Variants in DLGAP2 observed in about 807,000 individuals in gnomAD.
DLGAP2 encodes disks large-associated protein 2.
In DLGAP2, 26 loss-of-function variants were observed where a neutral mutation model predicts 100.3. The ratio of observed to expected loss-of-function variants is 0.26; its 90% CI spans 0.19 to 0.36. The LOEUF (loss-of-function observed/expected upper bound fraction) is 0.36. Ranked by LOEUF, DLGAP2 falls within the 10% of genes least tolerant of loss-of-function variation. The pLI, the probability that DLGAP2 is intolerant of heterozygous loss-of-function variation, is 1.00. For missense variants in DLGAP2, 1,858 were observed against 1,453.2 expected (o/e 1.28, Z -4.53); for synonymous variants, 886 against 630.1 (o/e 1.41, Z -6.08).
intron 4 of DLGAP2, among the ~76,000 whole-genome samples, chr8:1,506,623 C>G (rs558571994): frequency 1.8e-4 from 27 of 152,350 alleles, no homozygotes; most frequent in African/African-American, 6.0e-4. Context: ...CCAGTGCCGG[C>G]TCAGGCAGAC....
intron 2 of DLGAP2, among the ~76,000 whole-genome samples, chr8:1,004,494 G>T (rs955783239): frequency 5.9e-5 from 9 of 152,030 alleles, no homozygotes; most frequent in Admixed American, 5.2e-4. Flanking sequence ...AAATAGAGTC[G>T]GCCACAATCA....
chr8:1,572,896 T>G (rs1490828619), intron 6 of DLGAP2, among the ~76,000 whole-genome samples: 97 of 51,646 alleles, frequency 1.9e-3, no homozygotes, highest in Non-Finnish European at 2.1e-3. Context: ...AGAGGAGAGA[T>G]GGTGAACTGG....
intron 2 of DLGAP2, among the ~76,000 whole-genome samples, chr8:1,179,696 A>G (rs959097886): frequency 1.3e-5 from 2 of 152,244 alleles, no homozygotes; most frequent in Non-Finnish European, 2.9e-5. Flanking sequence ...CGACCCTGGA[A>G]TATCAGGGGC....
intron 2 of DLGAP2, among the ~76,000 whole-genome samples, chr8:1,151,197 C>T (rs1291418920): frequency 6.6e-6 from 1 of 152,190 alleles, no homozygotes; most frequent in Admixed American, 6.5e-5. Context: ...TTTTCCTCTA[C>T]CCTCTTTCAT....
chr8:1,015,058 C>T (rs1473771907), intron 2 of DLGAP2, among the ~76,000 whole-genome samples: 1 of 30,232 alleles, frequency 3.3e-5, no homozygotes, highest in Admixed American at 2.8e-4. Context: ...TGTGTGTGAC[C>T]AGGACAGACG....
chr8:1,173,144 C>G (rs1210806835), intron 2 of DLGAP2, among the ~76,000 whole-genome samples: 1 of 152,168 alleles, frequency 6.6e-6, no homozygotes, highest in Non-Finnish European at 1.5e-5. Flanking sequence ...GCTAGAGGTC[C>G]ACTCCAGACC....
chr8:802,826 C>T lies in DLGAP2; in HGVS notation c.18+65001C>T, dbSNP rs547704018. On this transcript the variant is annotated intron_variant, in intron 1 of 14. Coordinates refer to ENST00000637795, the MANE Select transcript of DLGAP2 (RefSeq NM_001346810.2). ...CACCCCTGGGGCTGATGTGGCCCCT[C>T]TGAGAAAGTGAATGGGAGCGAACTC... is the stretch of plus-strand genomic sequence containing the variant. Among the ~76,000 whole-genome samples, 85 of 152,174 alleles carry T rather than the reference C, an allele frequency of 5.6e-4. 1 individual carries two copies. The highest frequency in any genetic ancestry group is 2.1e-4 in the Non-Finnish European group (14 of 68,044).
intron 4 of DLGAP2, among the ~76,000 whole-genome samples, chr8:1,508,397 C>A (rs1584966913): frequency 4.5e-5 from 1 of 22,202 alleles, no homozygotes; most frequent in East Asian, 9.9e-4. Context: ...CCCACCCCCC[C>A]ACCCCTCACC....
intron 1 of DLGAP2, chr8:891,209 G>T (rs1395525039): frequency 6.6e-6 from 1 of 152,470 alleles, no homozygotes; most frequent in Non-Finnish European, 1.5e-5. Flanking sequence ...AAGGTGAAAG[G>T]CGACAAGGAC....
chr8:1,051,459 G>C (rs1007782377), intron 2 of DLGAP2, among the ~76,000 whole-genome samples: 4 of 152,148 alleles, frequency 2.6e-5, no homozygotes, highest in Non-Finnish European at 4.4e-5. Flanking sequence ...GGAGTGTGCT[G>C]TCACTTCTGA....
At chr8:1,344,108 C>CCTGTCGTG (rs1801486259) in intron 3 of DLGAP2, among the ~76,000 whole-genome samples, 1 of 143,330 alleles carries the variant, frequency 7.0e-6, no homozygotes, top group Non-Finnish European at 1.5e-5. Context: ...GTCGTGGGTC[C>CCTGTCGTG]ATGTATTCGG....
At chr8:963,985 A>C (rs1242614389) in intron 2 of DLGAP2, among the ~76,000 whole-genome samples, 3 of 152,194 alleles carry the variant, frequency 2.0e-5, no homozygotes, top group Non-Finnish European at 4.4e-5. Context: ...AACTTAGTCG[A>C]CCCAAATGTG....
At chr8:1,238,794 C>G (rs374514122) in intron 2 of DLGAP2, among the ~76,000 whole-genome samples, 1 of 44,022 alleles carries the variant, frequency 2.3e-5, no homozygotes, top group East Asian at 6.0e-4. Flanking sequence ...GGTGCCGTGT[C>G]TAGTTCTCTC....
chr8:912,762 C>A (rs532433241), intron 2 of DLGAP2, among the ~76,000 whole-genome samples: 2 of 150,032 alleles, frequency 1.3e-5, no homozygotes, highest in South Asian at 4.3e-4. Context: ...CTCTGTGGAG[C>A]TGACCCCTGC....
intron 11 of DLGAP2, among the ~76,000 whole-genome samples, chr8:1,677,956 A>G (rs879487736): frequency 5.3e-5 from 8 of 152,270 alleles, no homozygotes; most frequent in Non-Finnish European, 1.2e-4. Flanking sequence ...CTCTCATTGT[A>G]TCATTCAATA....
chr8:1,707,855 A>T lies in DLGAP2; in HGVS notation c.*6449A>T, dbSNP rs1342190815. On this transcript the variant is annotated 3_prime_UTR_variant, in exon 15 of 15. Transcript: ENST00000637795. Reference sequence around the variant, plus strand: ...AGAGTGCCAAATATTCAGCATCTGTACAAAGTCATTCACTGGAATTCAACT... The same window carrying T: ...AGAGTGCCAAATATTCAGCATCTGTTCAAAGTCATTCACTGGAATTCAACT... 6.6e-6 allele frequency: 1 copy of T among 152,662 alleles called. No homozygotes were observed. The allele number at this position is 152,662 out of a possible 1,614,324, so 9.5% of individuals were successfully genotyped here.
intron 3 of DLGAP2, among the ~76,000 whole-genome samples, chr8:1,360,435 C>A (rs1183620518): frequency 6.6e-6 from 1 of 151,556 alleles, no homozygotes; most frequent in East Asian, 2.0e-4. Context: ...CTCCAGGTGC[C>A]CTGAGTGTTT....
chr8:1,412,588 C>T (rs7004335), intron 3 of DLGAP2, among the ~76,000 whole-genome samples: 4,815 of 152,308 alleles, frequency 0.032, 123 homozygotes, highest in Non-Finnish European at 0.05. Flanking sequence ...AGATAAGTTG[C>T]TTCACCCCTC....
chr8:946,524 A>T (rs562160212), intron 2 of DLGAP2, among the ~76,000 whole-genome samples: 8 of 152,126 alleles, frequency 5.3e-5, no homozygotes, highest in South Asian at 2.1e-4. Context: ...TGGCCTCCCA[A>T]AGTGCTGGGA....
Sources: allele counts gnomAD v4.1 joint callset (sites outside exome capture counted in the v4.1 genomes callset), GRCh38; gene constraint gnomAD v4.1.1; transcripts MANE v1.5; gene names NCBI Gene and HGNC (gene_info 2026-07-23, HGNC 2026-07-21).